Variants in ELN observed in about 807,000 individuals in gnomAD.
ELN encodes elastin, also known as tropoelastin.
Under a neutral mutation model 105.8 loss-of-function variants are expected in ELN, and 65 were observed. That is an observed-to-expected ratio of 0.61 (90% CI 0.50 to 0.75). The LOEUF (loss-of-function observed/expected upper bound fraction) is 0.75. ELN is among the 30% of genes least tolerant of loss of function. The pLI is 0.00. For synonymous variants in ELN, 368 were observed against 389.2 expected, an observed-to-expected ratio of 0.95 and a Z score of 0.64; for missense variants, 882 against 969.4, an observed-to-expected ratio of 0.91 and a Z score of 1.20.
chr7:74,033,461 C>T (rs1789156021), intron 1 of ELN, among the ~76,000 whole-genome samples: 1 of 152,264 alleles, frequency 6.6e-6, no homozygotes, highest in African/African-American at 2.4e-5. Flanking sequence ...GTGTGCTTGG[C>T]AGCGGATGAC....
intron 25 of ELN, 75 bp from the exon 26 acceptor site, chr7:74,061,026 C>T (rs2132355961): frequency 6.3e-7 from 1 of 1,585,904 alleles, no homozygotes; most frequent in East Asian, 2.2e-5. Context: ...AGGGAGGGCT[C>T]TCTAGAGGAG....
chr7:74,063,405 C>G lies in ELN; in HGVS notation c.1918+36C>G, dbSNP rs1554686558. 4 of 1,543,748 alleles carry G rather than the reference C, an allele frequency of 2.6e-6. No homozygotes were observed. The South Asian group carries it at 4.7e-5, about 18-fold the overall frequency. ...GGTGGAGGTGGGAGCTGCCGCCAGGCCCCCAGGCCCCCAGGGTGTGGGAGG... is the reference window on the plus strand; with the variant it reads ...GGTGGAGGTGGGAGCTGCCGCCAGGGCCCCAGGCCCCCAGGGTGTGGGAGG... On this transcript the variant is annotated intron_variant, in intron 28 of 32. Coordinates refer to ENST00000252034, the MANE Select transcript of ELN (RefSeq NM_000501.4). The surrounding 1 kb of genome is among the most constrained non-coding windows in gnomAD (Gnocchi z 4.1).
At chr7:74,050,217 TCTTC>T (rs1468345225) in intron 15 of ELN, among the ~76,000 whole-genome samples, 1 of 115,180 alleles carries the variant, frequency 8.7e-6, no homozygotes, top group Non-Finnish European at 1.8e-5. Context: ...ACCCATCAAT[TCTTC>T]CTTCCATCCA....
intron 18 of ELN, among the ~76,000 whole-genome samples, chr7:74,053,920 T>G (rs1794700693): frequency 6.7e-6 from 1 of 149,406 alleles, no homozygotes; most frequent in Non-Finnish European, 1.5e-5. Context: ...AATGGGTAGA[T>G]GGATGAGGGA....
At chr7:74,061,900 G>A (rs1554685017) in intron 26 of ELN, among the ~76,000 whole-genome samples, 1 of 152,162 alleles carries the variant, frequency 6.6e-6, no homozygotes, top group African/African-American at 2.4e-5. Context: ...TGAGGAGTCT[G>A]GGCAGTCTCT....
At chr7:74,067,393 A>AAGTAGCTGGG (rs1180463227) in intron 32 of ELN, among the ~76,000 whole-genome samples, 1 of 151,538 alleles carries the variant, frequency 6.6e-6, no homozygotes, top group African/African-American at 2.4e-5. Context: ...TCAGCCTCCC[A>AAGTAGCTGGG]AGTAGCTGGG....
intron 1 of ELN, among the ~76,000 whole-genome samples, chr7:74,030,349 G>A (rs1554661505): frequency 6.6e-6 from 1 of 152,124 alleles, no homozygotes; most frequent in East Asian, 1.9e-4. Context: ...CCTGTTGCGG[G>A]GGTGGGGGAG....
Position 74,063,283 on chromosome 7 carries a change from C to T in ELN, c.1859-27C>T, listed in dbSNP as rs1173703376. 1 of 1,570,100 alleles carries T rather than the reference C, an allele frequency of 6.4e-7. No individual in the cohort carries two copies. The highest frequency in any genetic ancestry group is 8.6e-7 in the Non-Finnish European group (1 of 1,157,712). ...AGGGAATCTAACCAGTACAGAGTGCCTCCCTGAACTCGGTCTGTGTTCCCA... is the reference window on the plus strand; with the variant it reads ...AGGGAATCTAACCAGTACAGAGTGCTTCCCTGAACTCGGTCTGTGTTCCCA... On this transcript the variant is annotated intron_variant, in intron 27 of 32. Coordinates refer to ENST00000252034, the MANE Select transcript of ELN (RefSeq NM_000501.4). This position sits in a 1 kb window ranked among gnomAD's most constrained non-coding sequence, Gnocchi z 4.1.
In ELN at chr7:74,068,655, A is replaced by G. The variant is rs1554690567; in HGVS notation, c.2132-2A>G. 6.2e-7 allele frequency: 1 copy of G among 1,614,154 alleles called. No homozygotes were observed. The highest frequency in any genetic ancestry group is 1.1e-5 in the South Asian group (1 of 91,086). On this transcript the variant is annotated splice_acceptor_variant, in intron 32 of 32. Coordinates refer to ENST00000252034, the MANE Select transcript of ELN (RefSeq NM_000501.4). LOFTEE classifies it high-confidence loss of function. ...CAGTGATGTGCACCTCCTCCCGTCC[A>G]GGTGGGGCCTGCCTGGGGAAAGCTT...
chr7:74,043,262 G>A (rs1791668420), intron 8 of ELN, 94 bp downstream of exon 8: 18 of 1,521,916 alleles, frequency 1.2e-5, no homozygotes, highest in Non-Finnish European at 1.5e-5. Context: ...TGCACTTGGG[G>A]AGGAAGGGCA....
intron 25 of ELN, 123 bp downstream of exon 25, chr7:74,060,624 G>T (rs1554683865): frequency 1.3e-6 from 2 of 1,564,848 alleles, no homozygotes; most frequent in Non-Finnish European, 1.7e-6. Context: ...TCCTTGTTAG[G>T]TTCTCCTAAG....
intron 24 of ELN, 90 bp downstream of exon 24, chr7:74,060,274 C>G: frequency 6.2e-7 from 1 of 1,613,752 alleles, no homozygotes; most frequent in Non-Finnish European, 8.5e-7. Context: ...CTGCTTGGAT[C>G]TGGGCCCCTT....
Position 74,047,699 on chromosome 7 carries a change from C to A in ELN, c.668C>A (p.Thr223Lys). Residue 223 changes from threonine (T) to lysine (K), a missense_variant, in exon 13 of 33, where the codon ACA (threonine) becomes AAA (lysine). By Grantham distance (78) the Thr-to-Lys change is moderately conservative (BLOSUM62 -1). Transcript: ENST00000252034. ...LPGGYGLPYTTGKLPYGYGPG... is the reference protein window; with the variant it reads ...LPGGYGLPYTKGKLPYGYGPG... ...GGTGGCTATGGACTGCCCTACACCA[C>A]AGGGAAACTGCCCTATGGTGAGTGA... is the stretch of plus-strand genomic sequence containing the variant. 6.2e-7 allele frequency: 1 copy of A among 1,614,194 alleles called. No homozygotes were observed. The highest frequency in any genetic ancestry group is 8.5e-7 in the Non-Finnish European group (1 of 1,180,006).
At chr7:74,040,883 G>A (rs1219455448) in intron 4 of ELN, among the ~76,000 whole-genome samples, 1 of 152,138 alleles carries the variant, frequency 6.6e-6, no homozygotes, top group African/African-American at 2.4e-5. Context: ...TCACTGGCCT[G>A]GGGTGAGGTC....
chr7:74,031,349 G>A (rs1032784097), intron 1 of ELN, among the ~76,000 whole-genome samples: 8 of 152,186 alleles, frequency 5.3e-5, no homozygotes, highest in African/African-American at 1.7e-4. Flanking sequence ...TAAAAGGACC[G>A]TGGGAATGGG....
intron 2 of ELN, among the ~76,000 whole-genome samples, chr7:74,035,844 C>T (rs1231837830): frequency 1.3e-5 from 2 of 151,968 alleles, no homozygotes; most frequent in African/African-American, 4.8e-5. Context: ...GAGGCTGAGG[C>T]AGGAGGATCA....
intron 4 of ELN, among the ~76,000 whole-genome samples, chr7:74,040,723 T>C (rs1554668011): frequency 6.6e-6 from 1 of 152,006 alleles, no homozygotes; most frequent in Admixed American, 6.5e-5. Context: ...CCATTTGGCG[T>C]CTCATAAACA....
At chr7:74,056,519 C>T in intron 20 of ELN, 84 bp downstream of exon 20, 11 of 1,607,306 alleles carry the variant, frequency 6.8e-6, no homozygotes, top group Non-Finnish European at 7.7e-6. Flanking sequence ...GCAGTGGGGA[C>T]TGTAGATCGG....
At chr7:74,057,327 C>A (rs1406618694) in intron 21 of ELN, 3 of 1,382,512 alleles carry the variant, frequency 2.2e-6, no homozygotes, top group South Asian at 1.7e-5. Flanking sequence ...CACCCTTGCT[C>A]CCCCAAAAAG....
Sources: allele counts gnomAD v4.1 joint callset (sites outside exome capture counted in the v4.1 genomes callset), GRCh38; gene constraint gnomAD v4.1.1; non-coding constraint Gnocchi (gnomAD v3.1); transcripts MANE v1.5; gene names NCBI Gene and HGNC (gene_info 2026-07-23, HGNC 2026-07-21).